The following C1GALT1 variants were observed in gnomAD, a reference collection of about 807,000 sequenced individuals.
C1GALT1 encodes the protein core 1 synthase, glycoprotein-N-acetylgalactosamine 3-beta-galactosyltransferase 1, also known as glycoprotein-N-acetylgalactosamine 3-beta-galactosyltransferase 1.
C1GALT1 carries 11 observed loss-of-function variants against 31.0 expected under a neutral mutation model. The observed-to-expected ratio is 0.36, with a 90% CI of 0.22 to 0.59. The LOEUF is 0.59. Among genes scored for constraint, C1GALT1 ranks in the 20% least tolerant of loss-of-function variants. C1GALT1 has a pLI of 0.79. For missense variants in C1GALT1, 424 were observed against 425.2 expected (o/e 1.00, Z 0.03); for synonymous variants, 175 against 143.6 (o/e 1.22, Z -1.56).
At chr7:7,232,008 C>T (rs1468288196) in intron 1 of C1GALT1, among the ~76,000 whole-genome samples, 1 of 152,172 alleles carries the variant, frequency 6.6e-6, no homozygotes, top group African/African-American at 2.4e-5. Context: ...AGGTGTTTTT[C>T]AGGACCTCTT....
At chr7:7,214,758 T>C (rs553021608) in intron 1 of C1GALT1, among the ~76,000 whole-genome samples, 1 of 152,164 alleles carries the variant, frequency 6.6e-6, no homozygotes, top group Admixed American at 6.5e-5. Flanking sequence ...CCGAACAAAC[T>C]TTCGGAGAAG....
chr7:7,189,891 C>G (rs1313861108), intron 1 of C1GALT1, among the ~76,000 whole-genome samples: 1 of 150,626 alleles, frequency 6.6e-6, no homozygotes, highest in African/African-American at 2.5e-5. Context: ...TTTTTTTTTC[C>G]CCAAAAGATT....
chr7:7,204,171 T>C, intron 1 of C1GALT1, among the ~76,000 whole-genome samples: 1 of 150,936 alleles, frequency 6.6e-6, no homozygotes, highest in Admixed American at 6.6e-5. Flanking sequence ...CTTTTTCACA[T>C]GTTGAGCAGA....
At chr7:7,233,271 C>CG (rs1783173899) in intron 1 of C1GALT1, among the ~76,000 whole-genome samples, 1 of 148,962 alleles carries the variant, frequency 6.7e-6, no homozygotes, top group South Asian at 2.1e-4. Context: ...CAAACTTTTT[C>CG]TTTTTTTTTT....
Position 7,238,832 on chromosome 7 carries a change from T to A in C1GALT1, c.798T>A (p.Phe266Leu). The A allele has an allele frequency of 6.2e-7, 1 of 1,613,964 alleles. No individual in the cohort carries two copies. Among genetic ancestry groups the A allele is most frequent in the Non-Finnish European group, 8.5e-7 (1 of 1,179,914 alleles). ...GAGATACCATTGGAAAAGAAACTTT[T>A]CATCCCTTTGTGCCAGAACACCATT... ...DSRDTIGKET[F>L]HPFVPEHHLI... The change falls in exon 3 of 4, where the codon TTT (phenylalanine) becomes TTA (leucine). Residue 266 changes from phenylalanine (F) to leucine (L), a missense_variant. Around this residue, in one of 3 missense-constraint regions of C1GALT1, gnomAD observed 191 missense variants for 188.8 expected, o/e 1.01. Transcript: ENST00000436587. The surrounding 1 kb of genome is among the most constrained non-coding windows in gnomAD (Gnocchi z 5.2).
At chr7:7,242,110 T>TACAC (rs2128252935) in intron 3 of C1GALT1, among the ~76,000 whole-genome samples, 1 of 151,886 alleles carries the variant, frequency 6.6e-6, no homozygotes, top group Non-Finnish European at 1.5e-5. Context: ...GTAAATAAAA[T>TACAC]ACACACCTAA....
chr7:7,175,533 T>A (rs1231100964), intron 2 of C1GALT1, among the ~76,000 whole-genome samples: 1 of 152,348 alleles, frequency 6.6e-6, no homozygotes, highest in East Asian at 1.9e-4. Context: ...GTCTATTGCA[T>A]GTTTCAACTG....
chr7:7,240,204 T>TGCTACTGGCATCTAATG (rs1783563875), intron 3 of C1GALT1, among the ~76,000 whole-genome samples: 2 of 152,214 alleles, frequency 1.3e-5, no homozygotes, highest in South Asian at 4.1e-4. Context: ...GCTAGGAGGC[T>TGCTACTGGCATCTAATG]GCTACTGGCA....
intron 2 of C1GALT1, among the ~76,000 whole-genome samples, chr7:7,167,415 A>G (rs112581594): frequency 8.8e-4 from 134 of 152,316 alleles, no homozygotes; most frequent in African/African-American, 3.1e-3. Flanking sequence ...TAAAAATGTT[A>G]TACTGCACAT....
At chr7:7,191,312 C>G (rs1406354472) in intron 1 of C1GALT1, among the ~76,000 whole-genome samples, 1 of 152,070 alleles carries the variant, frequency 6.6e-6, no homozygotes, top group Non-Finnish European at 1.5e-5. Flanking sequence ...TAGCATATAT[C>G]AGAATTTCCT....
At chr7:7,172,158 T>C (rs982414602) in intron 2 of C1GALT1, among the ~76,000 whole-genome samples, 1 of 152,224 alleles carries the variant, frequency 6.6e-6, no homozygotes, top group African/African-American at 2.4e-5. Flanking sequence ...ACTCAACTTT[T>C]GTTTATCTGA....
intron 2 of C1GALT1, among the ~76,000 whole-genome samples, chr7:7,236,239 T>C (rs949285790): frequency 2.0e-5 from 3 of 152,318 alleles, no homozygotes; most frequent in South Asian, 4.1e-4. Context: ...CTCATTTTTT[T>C]CATCTCCTAT....
At chr7:7,165,670 G>GA (rs1164015546) in intron 2 of C1GALT1, among the ~76,000 whole-genome samples, 4 of 150,936 alleles carry the variant, frequency 2.7e-5, no homozygotes, top group East Asian at 3.9e-4. Context: ...CCTTTCAGGA[G>GA]AAAAAAAAAT....
intron 2 of C1GALT1, among the ~76,000 whole-genome samples, chr7:7,175,734 A>T (rs1156451480): frequency 6.6e-6 from 1 of 152,028 alleles, no homozygotes; most frequent in Non-Finnish European, 1.5e-5. Context: ...AACAACATAA[A>T]TTTATTTTTC....
At chr7:7,196,450 C>T (rs1201416818) in intron 1 of C1GALT1, among the ~76,000 whole-genome samples, 2 of 152,086 alleles carry the variant, frequency 1.3e-5, no homozygotes, top group Non-Finnish European at 2.9e-5. Context: ...CATTTTCTTA[C>T]TCCAGTCTAT....
chr7:7,191,908 C>G (rs973584338), intron 1 of C1GALT1, among the ~76,000 whole-genome samples: 1 of 151,878 alleles, frequency 6.6e-6, no homozygotes, highest in African/African-American at 2.4e-5. Flanking sequence ...GTATTTTCAC[C>G]CATTCTGTGG....
intron 2 of C1GALT1, among the ~76,000 whole-genome samples, chr7:7,177,129 A>G (rs1389251689): frequency 6.6e-6 from 1 of 152,240 alleles, no homozygotes; most frequent in Non-Finnish European, 1.5e-5. Flanking sequence ...GAAAGCAAGA[A>G]AAAACCATAC....
chr7:7,219,814 A>C (rs1429229094), intron 1 of C1GALT1, among the ~76,000 whole-genome samples: 1 of 152,134 alleles, frequency 6.6e-6, no homozygotes, highest in Non-Finnish European at 1.5e-5. Flanking sequence ...AACATTGTCT[A>C]TAAAATTTTG....
intron 1 of C1GALT1, among the ~76,000 whole-genome samples, chr7:7,223,738 A>G (rs948930853): frequency 2.4e-4 from 36 of 152,116 alleles, no homozygotes; most frequent in African/African-American, 8.5e-4. Context: ...TACAATCTAT[A>G]TGCCTTTTCA....
Sources: allele counts gnomAD v4.1 joint callset (sites outside exome capture counted in the v4.1 genomes callset), GRCh38; gene constraint gnomAD v4.1.1; regional missense constraint gnomAD v4.1.1; non-coding constraint Gnocchi (gnomAD v3.1); transcripts MANE v1.5; gene names NCBI Gene and HGNC (gene_info 2026-07-23, HGNC 2026-07-21).